The following MAPK4 variants were observed in gnomAD, a reference collection of about 807,000 sequenced individuals.
The protein encoded by MAPK4 is Erk3-related.
MAPK4 carries 22 observed loss-of-function variants against 47.7 expected under a neutral mutation model. The observed-to-expected ratio is 0.46, with a 90% confidence interval of 0.33 to 0.66. MAPK4 has a LOEUF of 0.66. MAPK4 is among the 30% of genes least tolerant of loss of function. The pLI is 0.02. For synonymous variants in MAPK4, 390 were observed against 365.7 expected, an observed-to-expected ratio of 1.07 and a Z score of -0.76; for missense variants, 736 against 831.7, an observed-to-expected ratio of 0.88 and a Z score of 1.42.
At chr18:50,687,688 G>A (rs1440168593) in intron 2 of MAPK4, among the ~76,000 whole-genome samples, 3 of 152,180 alleles carry the variant, frequency 2.0e-5, no homozygotes, top group Non-Finnish European at 4.4e-5. Context: ...ACTCTGCGGT[G>A]TGACCTCGCC....
At position 50,634,748 on chromosome 18, in the gene MAPK4, T is replaced by A. The variant is rs558092666; in HGVS notation, c.-870-28341T>A. 4.9e-4 allele frequency among the ~76,000 whole-genome samples: 74 copies of A among 152,362 alleles called. 1 individual carries two copies. The South Asian group carries it at 0.014, about 29-fold the overall frequency. ...CAAGGATGAAAATATATTGGTTTAA[T>A]ATCCAAATAATATTATTCCCATTAT... On this transcript the variant is annotated intron_variant, in intron 1 of 5. Transcript: ENST00000400384.
intron 1 of MAPK4, among the ~76,000 whole-genome samples, chr18:50,573,075 G>A (rs1245336748): frequency 6.6e-6 from 1 of 152,208 alleles, no homozygotes; most frequent in Non-Finnish European, 1.5e-5. Context: ...ACAAGACATT[G>A]TTAGCAGTGA....
chr18:50,597,627 T>G (rs552314869), intron 1 of MAPK4, among the ~76,000 whole-genome samples: 1 of 152,174 alleles, frequency 6.6e-6, no homozygotes, highest in Admixed American at 6.5e-5. Context: ...TTGCTGTAAG[T>G]GGGACAGAAA....
chr18:50,568,385 A>G (rs928842038), intron 1 of MAPK4, among the ~76,000 whole-genome samples: 6 of 152,142 alleles, frequency 3.9e-5, no homozygotes, highest in African/African-American at 1.4e-4. Flanking sequence ...GCCAAATTAC[A>G]TCGAGCATTT....
At chr18:50,609,251 G>C (rs1047670732) in intron 1 of MAPK4, among the ~76,000 whole-genome samples, 54 of 151,802 alleles carry the variant, frequency 3.6e-4, no homozygotes, top group Admixed American at 9.2e-4. Context: ...CCCACACGGG[G>C]TGGCGGCCGG....
chr18:50,632,902 G>A (rs1373839314), intron 1 of MAPK4, among the ~76,000 whole-genome samples: 1 of 152,140 alleles, frequency 6.6e-6, no homozygotes, highest in East Asian at 1.9e-4. Flanking sequence ...TTACAGGTGT[G>A]AGCAACTGCG....
intron 1 of MAPK4, among the ~76,000 whole-genome samples, chr18:50,612,461 G>T (rs901212640): frequency 6.6e-6 from 1 of 152,184 alleles, no homozygotes; most frequent in Non-Finnish European, 1.5e-5. Context: ...AGTATAGCGG[G>T]AGAGAAAGAT....
intron 1 of MAPK4, among the ~76,000 whole-genome samples, chr18:50,620,697 G>A (rs2042724031): frequency 6.6e-6 from 1 of 152,020 alleles, no homozygotes; most frequent in Non-Finnish European, 1.5e-5. Context: ...TTGAGGCCAG[G>A]AGTTCAAGAC....
rs376293194 is a variant in MAPK4, at chr18:50,725,973, C to T, written c.865C>T (p.Leu289=). Residue 289 remains leucine, a synonymous_variant, in exon 5 of 6, where the codon CTG becomes TTG. Transcript: ENST00000400384. ...PEVNSEAIDF[L]EKILTFNPMD... is the part of the protein sequence containing the mutation. ...TTTGCTCCCTGCAGCCATCGACTTT[C>T]TGGAGAAGATCCTGACCTTTAACCC... is the stretch of plus-strand genomic sequence containing the variant. The T allele has an allele frequency of 1.1e-4, 172 of 1,614,196 alleles. No individual in the cohort carries two copies. In the South Asian group the frequency reaches 1.5e-3, roughly 14 times the overall value.
chr18:50,660,421 G>T (rs1200117484), intron 1 of MAPK4, among the ~76,000 whole-genome samples: 2 of 152,188 alleles, frequency 1.3e-5, no homozygotes. Context: ...AAGGGACAGT[G>T]ACCACCTAGG....
At chr18:50,639,491 T>C (rs1403123886) in intron 1 of MAPK4, among the ~76,000 whole-genome samples, 1 of 152,118 alleles carries the variant, frequency 6.6e-6, no homozygotes, top group East Asian at 1.9e-4. Flanking sequence ...AAATTATATA[T>C]GGTCATTGTA....
chr18:50,575,241 C>A (rs2042284754), intron 1 of MAPK4, among the ~76,000 whole-genome samples: 1 of 152,188 alleles, frequency 6.6e-6, no homozygotes, highest in Non-Finnish European at 1.5e-5. Context: ...CAAGGTGTCA[C>A]CTTGGAAGCA....
chr18:50,691,362 G>T (rs557202713), intron 2 of MAPK4, among the ~76,000 whole-genome samples: 1 of 152,076 alleles, frequency 6.6e-6, no homozygotes, highest in African/African-American at 2.4e-5. Flanking sequence ...AAATGAACTG[G>T]CCAGGAAGGC....
intron 1 of MAPK4, among the ~76,000 whole-genome samples, chr18:50,570,296 T>G (rs956985210): frequency 3.3e-5 from 5 of 152,224 alleles, no homozygotes; most frequent in Non-Finnish European, 5.9e-5. Context: ...CCTGCATAGA[T>G]GAAACTAATT....
chr18:50,584,880 A>G (rs1380964302), intron 1 of MAPK4, among the ~76,000 whole-genome samples: 3 of 152,242 alleles, frequency 2.0e-5, no homozygotes. Flanking sequence ...ATTGATTACA[A>G]ACTACAAATA....
intron 1 of MAPK4, among the ~76,000 whole-genome samples, chr18:50,571,785 C>T (rs1241807241): frequency 1.3e-5 from 2 of 152,166 alleles, no homozygotes; most frequent in African/African-American, 4.8e-5. Context: ...GTGAAAGCCA[C>T]AGGGAGTTCA....
At chr18:50,621,395 A>G (rs987349336) in intron 1 of MAPK4, among the ~76,000 whole-genome samples, 1 of 152,186 alleles carries the variant, frequency 6.6e-6, no homozygotes, top group Non-Finnish European at 1.5e-5. Context: ...AGAGTGGGGC[A>G]ATATCTATGT....
At position 50,721,928 on chromosome 18, in the gene MAPK4, G is replaced by T; in HGVS notation, c.692-10G>T. The T allele has an allele frequency of 6.2e-7, 1 of 1,613,784 alleles. No individual in the cohort carries two copies. The highest frequency in any genetic ancestry group is 1.7e-5 in the Admixed American group (1 of 59,996). ...ACAGCACACTTAACCATCTGGCATT[G>T]CCTCCCCAGGGGCCCATGAGCTGGA... On this transcript the variant is annotated splice_polypyrimidine_tract_variant and intron_variant, in intron 3 of 5. Coordinates refer to ENST00000400384, the MANE Select transcript of MAPK4 (RefSeq NM_002747.4).
At position 50,730,821 on chromosome 18, in the gene MAPK4, C is replaced by G. The variant is rs751623090; in HGVS notation, c.*967C>G. On this transcript the variant is annotated 3_prime_UTR_variant, in exon 6 of 6. Transcript: ENST00000400384. ...CCCTTCACCCCACACCCGGCCCCCC[C>G]ACCTAACCACAGCGCCTCTCCAGAC... 3 of 152,312 alleles carry G rather than the reference C, an allele frequency of 2.0e-5. No homozygotes were observed. The highest frequency in any genetic ancestry group is 7.2e-5 in the African/African-American group (3 of 41,424). The allele number at this position is 152,312 out of a possible 1,614,324, so 9.4% of individuals were successfully genotyped here.
Sources: gnomAD v4.1 joint callset for allele counts (sites outside exome capture counted in the v4.1 genomes callset) on GRCh38, gnomAD v4.1.1 for gene constraint, MANE v1.5 for transcripts, NCBI Gene and HGNC (gene_info 2026-07-23, HGNC 2026-07-21) for gene names.